SEC61A1: variants seen among roughly 807,000 people sequenced by gnomAD.
SEC61A1 encodes the protein protein transport protein Sec61 subunit alpha isoform 1.
Under a neutral mutation model 55.2 loss-of-function variants are expected in SEC61A1, and 15 were observed. That is an observed-to-expected ratio of 0.27 (90% CI 0.18 to 0.42). The LOEUF is 0.42. Ranked by LOEUF, SEC61A1 falls within the 10% of genes least tolerant of loss-of-function variation. SEC61A1 has a pLI of 1.00. For missense variants in SEC61A1, 284 were observed against 602.6 expected, an observed-to-expected ratio of 0.47 and a Z score of 5.53; for synonymous variants, 247 against 234.0, an observed-to-expected ratio of 1.06 and a Z score of -0.51.
intron 11 of SEC61A1, 104 bp downstream of exon 11, chr3:128,068,163 T>A: frequency 1.2e-6 from 1 of 810,014 alleles, no homozygotes; most frequent in Non-Finnish European, 2.1e-6. Flanking sequence ...GGTCACTAAA[T>A]CTTATCCTTG....
Position 128,052,795 on chromosome 3 carries a change from C to T in SEC61A1, c.8-40C>T, listed in dbSNP as rs375981206. 12 of 1,585,776 alleles carry T rather than the reference C, an allele frequency of 7.6e-6. No individual in the cohort carries two copies. In the East Asian group the frequency reaches 1.8e-4, roughly 24 times the overall value. Reference sequence around the variant, plus strand: ...CTGGGTAGCGCGGAAGGTTACTTCTCTGTGTCCCAACTCTTCCTGTTTTGT... The same window carrying T: ...CTGGGTAGCGCGGAAGGTTACTTCTTTGTGTCCCAACTCTTCCTGTTTTGT... On this transcript the variant is annotated intron_variant, in intron 1 of 11. Coordinates refer to ENST00000243253, the MANE Select transcript of SEC61A1 (RefSeq NM_013336.4).
chr3:128,071,451 TG>T lies in SEC61A1; in HGVS notation c.*1792del, dbSNP rs1032975737. ...AGGCAGGCAGCTGTACCCAAGCTGG[TG>T]GGCAGGGGGCTGGAAGGCACCAGGC... On this transcript the variant is annotated 3_prime_UTR_variant, in exon 12 of 12. Coordinates refer to ENST00000243253, the MANE Select transcript of SEC61A1 (RefSeq NM_013336.4). 2 of 152,628 alleles carry T rather than the reference TG, an allele frequency of 1.3e-5. No homozygotes were observed. Among genetic ancestry groups the T allele is most frequent in the Admixed American group, 1.3e-4 (2 of 15,290 alleles). The allele number at this position is 152,628 out of a possible 1,614,324, so 9.5% of individuals were successfully genotyped here.
chr3:128,052,676 C>T, intron 1 of SEC61A1, 117 bp downstream of exon 1: 3 of 1,530,236 alleles, frequency 2.0e-6, no homozygotes, highest in Middle Eastern at 1.7e-4. Context: ...GAACGCGGCC[C>T]GTGCCCCCGG....
chr3:128,055,045 T>C (rs1941752209), intron 2 of SEC61A1, among the ~76,000 whole-genome samples: 1 of 152,230 alleles, frequency 6.6e-6, no homozygotes, highest in African/African-American at 2.4e-5. Context: ...TATTGAGCAA[T>C]TCCAAATTAC....
intron 1 of SEC61A1, 61 bp from the exon 2 acceptor site, chr3:128,052,774 G>C: frequency 6.4e-7 from 1 of 1,554,040 alleles, no homozygotes; most frequent in Non-Finnish European, 8.9e-7. Context: ...GCGTCCCTGG[G>C]TAGCGCGGAA....
chr3:128,065,096 C>T (rs1462861399), intron 8 of SEC61A1, 59 bp downstream of exon 8: 1 of 1,554,262 alleles, frequency 6.4e-7, no homozygotes, highest in East Asian at 2.2e-5. Context: ...TTCAGAATGC[C>T]TTGTGTGCAG....
intron 5 of SEC61A1, 131 bp downstream of exon 5, chr3:128,056,971 C>G (rs1941781168): frequency 1.6e-6 from 1 of 638,452 alleles, no homozygotes; most frequent in Non-Finnish European, 2.2e-6. Flanking sequence ...GAGTCTTACT[C>G]TGTTGCCCAG....
rs947144176 is a variant in SEC61A1 at position 128,067,558 on chromosome 3, C to T, written c.1113C>T (p.Ser371=). 2.5e-6 allele frequency: 4 copies of T among 1,612,906 alleles called. No homozygotes were observed. The African/African-American group carries it at 5.3e-5, about 22-fold the overall frequency. Residue 371 remains serine (S), a synonymous_variant, in exon 10 of 12, where the codon TCC becomes TCT. Coordinates refer to ENST00000243253, the MANE Select transcript of SEC61A1 (RefSeq NM_013336.4). This position sits in a 1 kb window ranked among gnomAD's most constrained non-coding sequence, Gnocchi z 4.1. ...AVVYIVFMLG[S]CAFFSKTWIE... ...TATACATAGTGTTCATGCTGGGCTC[C>T]TGTGCATTCTTCTCCAAAACGTGGA...
rs764433155 is a variant in SEC61A1, at chr3:128,064,911, C to T, written c.651C>T (p.Phe217=). ...MEFEGAIIAL[F]HLLATRTDKV... is the part of the protein sequence containing the mutation. ...TTGAAGGTGCTATCATCGCACTTTT[C>T]CATCTGCTGGCCACACGCACAGACA... The change falls in exon 8 of 12, where the codon TTC becomes TTT. Residue 217 remains phenylalanine (F), a synonymous_variant. Coordinates refer to ENST00000243253, the MANE Select transcript of SEC61A1 (RefSeq NM_013336.4). 2 of 1,612,642 alleles carry T rather than the reference C, an allele frequency of 1.2e-6. No homozygotes were observed. Among genetic ancestry groups the T allele is most frequent in the Non-Finnish European group, 1.7e-6 (2 of 1,179,136 alleles).
At chr3:128,065,290 A>G (rs1941932069) in intron 8 of SEC61A1, 1 of 601,926 alleles carries the variant, frequency 1.7e-6, no homozygotes, top group Non-Finnish European at 3.0e-6. Context: ...GGTTGGGCCT[A>G]TCGACAGGTA....
Position 128,068,039 on chromosome 3 carries a change from C to T in SEC61A1, c.1224C>T (p.Ser408=), listed in dbSNP as rs578142388. The T allele has an allele frequency of 1.2e-5, 20 of 1,613,938 alleles. No homozygotes were observed. The South Asian group carries it at 2.1e-4, about 17-fold the overall frequency. ...QMVMRGHRET[S]MVHELNRYIP... ...TGATGAGAGGCCACCGAGAGACCTC[C>T]ATGGTCCATGAACTCAACCGGTGAG... The change falls in exon 11 of 12, where the codon TCC becomes TCT. Residue 408 remains serine (S), a synonymous_variant. Coordinates refer to ENST00000243253, the MANE Select transcript of SEC61A1 (RefSeq NM_013336.4).
intron 7 of SEC61A1, among the ~76,000 whole-genome samples, chr3:128,061,402 T>C (rs374262910): frequency 2.0e-5 from 3 of 152,204 alleles, no homozygotes; most frequent in African/African-American, 7.2e-5. Flanking sequence ...GTGTGACTTA[T>C]TAGGGAAAGG....
chr3:128,060,374 G>C (rs568456525), intron 6 of SEC61A1, 134 bp from the exon 7 acceptor site: 1 of 1,127,542 alleles, frequency 8.9e-7, no homozygotes, highest in Non-Finnish European at 1.3e-6. Flanking sequence ...AGGCTTTACT[G>C]ACCGCTCTCT....
chr3:128,069,624 C>A lies in SEC61A1; in HGVS notation c.1393C>A (p.Gln465Lys), dbSNP rs925021505. The part of the protein sequence containing the change: ...YQYFEIFVKE[Q>K]SEVGSMGALL... ...GTACTTTGAGATCTTCGTTAAGGAG[C>A]AAAGCGAGGTTGGCAGCATGGGGGC... The change falls in exon 12 of 12, where the codon CAA (glutamine) becomes AAA (lysine). Residue 465 changes from glutamine (Q) to lysine (K), a missense_variant. Physicochemically the swap from Gln to Lys is moderately conservative, Grantham distance 53 (BLOSUM62 1). Coordinates refer to ENST00000243253, the MANE Select transcript of SEC61A1 (RefSeq NM_013336.4). The A allele has an allele frequency of 1.9e-6, 3 of 1,614,158 alleles. No individual in the cohort carries two copies. Among genetic ancestry groups the A allele is most frequent in the Non-Finnish European group, 2.5e-6 (3 of 1,180,024 alleles).
Position 128,052,878 on chromosome 3 carries a change from G to T in SEC61A1, c.51G>T (p.Pro17=), listed in dbSNP as rs749206046. The T allele has an allele frequency of 1.9e-6, 3 of 1,613,036 alleles. No individual in the cohort carries two copies. The highest frequency in any genetic ancestry group is 2.7e-5 in the African/African-American group (2 of 74,952). The part of the protein sequence containing the change: ...EVIKPFCVIL[P]EIQKPERKIQ... ...TCAAGCCCTTCTGTGTCATCCTGCC[G>T]GAAATTCAGAAGCCAGAGAGGAAGG... The change falls in exon 2 of 12, where the codon CCG becomes CCT. Residue 17 remains proline, a synonymous_variant. Transcript: ENST00000243253.
upstream of SEC61A1, among the ~76,000 whole-genome samples, chr3:128,052,103 C>G (rs139309077): frequency 3.3e-3 from 510 of 152,302 alleles, no homozygotes; most frequent in Admixed American, 7.0e-3. Flanking sequence ...CAGGGCCACG[C>G]GCGCACTCGA....
At chr3:128,060,010 C>A (rs1941830292) in intron 5 of SEC61A1, 92 bp from the exon 6 acceptor site, 1 of 899,350 alleles carries the variant, frequency 1.1e-6, no homozygotes. Flanking sequence ...TTTGTTCTCC[C>A]CCGTGCCTGG....
At chr3:128,060,033 G>A (rs1941830992) in intron 5 of SEC61A1, 69 bp from the exon 6 acceptor site, 1 of 1,166,906 alleles carries the variant, frequency 8.6e-7, no homozygotes, top group Non-Finnish European at 1.3e-6. Context: ...TTGAATTGGT[G>A]TTTCTTAATT....
At chr3:128,052,942 A>C (rs1361725053) in intron 2 of SEC61A1, 40 bp downstream of exon 2, 1 of 1,491,508 alleles carries the variant, frequency 6.7e-7, no homozygotes, top group Non-Finnish European at 9.3e-7. Flanking sequence ...GTTTCAGGAA[A>C]CTGTCTGGAC....
Sources: allele counts gnomAD v4.1 joint callset (sites outside exome capture counted in the v4.1 genomes callset), GRCh38; gene constraint gnomAD v4.1.1; non-coding constraint Gnocchi (gnomAD v3.1); transcripts MANE v1.5; gene names NCBI Gene and HGNC (gene_info 2026-07-23, HGNC 2026-07-21).